TLL1: variants seen among roughly 807,000 people sequenced by gnomAD.
TLL1 encodes tolloid like 1, also known as tolloid-like protein 1.
TLL1 carries 49 observed loss-of-function variants against 128.2 expected under a neutral mutation model. The observed-to-expected ratio is 0.38, with a 90% CI of 0.30 to 0.48. The LOEUF (loss-of-function observed/expected upper bound fraction) is 0.48. TLL1 is among the 20% of genes least tolerant of loss of function. TLL1 has a pLI of 0.96. For synonymous variants in TLL1, 454 were observed against 418.8 expected (o/e 1.08, Z -1.03); for missense variants, 1,123 against 1,242.0 (o/e 0.90, Z 1.44).
chr4:165,964,972 C>A (rs1561059667), intron 1 of TLL1, among the ~76,000 whole-genome samples: 1 of 151,608 alleles, frequency 6.6e-6, no homozygotes, highest in Non-Finnish European at 1.5e-5. Context: ...TAAATAAATG[C>A]AATAAAAATA....
At chr4:165,981,701 A>C (rs1051307555) in intron 1 of TLL1, among the ~76,000 whole-genome samples, 1 of 152,056 alleles carries the variant, frequency 6.6e-6, no homozygotes, top group African/African-American at 2.4e-5. Flanking sequence ...CTGGCGGATT[A>C]CTTAACATTG....
In TLL1 at chr4:166,042,138, A is replaced by C. The variant is rs763090614; in HGVS notation, c.1373A>C (p.Tyr458Ser). The change falls in exon 11 of 21, where the codon TAT (tyrosine) becomes TCT (serine). Residue 458 changes from tyrosine to serine, a missense_variant. Tyr to Ser is a moderately radical substitution (Grantham distance 144, BLOSUM62 -2). Transcript: ENST00000061240. ...NWVGKGFAAV[Y>S]EAICGGEIRK... is the part of the protein sequence containing the mutation. Reference sequence around the variant, plus strand: ...GTAGGAAAAGGCTTTGCAGCTGTCTATGAAGGTAAGTCACATTGAATTTTA... The same window carrying C: ...GTAGGAAAAGGCTTTGCAGCTGTCTCTGAAGGTAAGTCACATTGAATTTTA... The C allele has an allele frequency of 1.9e-6, 3 of 1,604,226 alleles. No homozygotes were observed. The Admixed American group carries it at 5.0e-5, about 27-fold the overall frequency.
intron 1 of TLL1, among the ~76,000 whole-genome samples, chr4:165,949,991 G>A (rs946351942): frequency 1.3e-5 from 2 of 151,992 alleles, no homozygotes; most frequent in African/African-American, 2.4e-5. Flanking sequence ...TGATCAGATT[G>A]GATATAAAAG....
intron 19 of TLL1, among the ~76,000 whole-genome samples, chr4:166,098,724 A>G (rs1011219342): frequency 3.3e-5 from 5 of 152,132 alleles, no homozygotes; most frequent in Non-Finnish European, 7.4e-5. Flanking sequence ...AAAGTTCTAT[A>G]TAACACAAAC....
intron 1 of TLL1, among the ~76,000 whole-genome samples, chr4:165,968,211 C>G (rs1193332220): frequency 6.6e-6 from 1 of 152,092 alleles, no homozygotes; most frequent in Non-Finnish European, 1.5e-5. Context: ...ATGTCTTTTT[C>G]TTTTACAACA....
At chr4:166,063,819 C>G (rs982421917) in intron 15 of TLL1, among the ~76,000 whole-genome samples, 2 of 152,074 alleles carry the variant, frequency 1.3e-5, no homozygotes, top group African/African-American at 4.8e-5. Flanking sequence ...GGGTGGGGAA[C>G]ATCACGCCAC....
chr4:166,020,013 TTCTTGC>T (rs564256886), intron 8 of TLL1, among the ~76,000 whole-genome samples: 104 of 152,300 alleles, frequency 6.8e-4, no homozygotes, highest in Admixed American at 1.6e-3. Flanking sequence ...TCATTGCCAT[TTCTTGC>T]TCTTGGCTTT....
At chr4:166,073,953 C>G (rs1195574785) in intron 16 of TLL1, among the ~76,000 whole-genome samples, 1 of 152,050 alleles carries the variant, frequency 6.6e-6, no homozygotes, top group Non-Finnish European at 1.5e-5. Flanking sequence ...TGATGAAAGT[C>G]TGAGTGACGT....
chr4:165,952,742 T>C (rs1734585176), intron 1 of TLL1, among the ~76,000 whole-genome samples: 1 of 152,142 alleles, frequency 6.6e-6, no homozygotes, highest in Admixed American at 6.6e-5. Context: ...AAAATATTCA[T>C]TCATTATATT....
chr4:165,963,961 G>A (rs1032472131), intron 1 of TLL1, among the ~76,000 whole-genome samples: 14 of 152,146 alleles, frequency 9.2e-5, no homozygotes, highest in African/African-American at 3.4e-4. Context: ...TATGAGAGGT[G>A]TGTTTCAGTA....
chr4:166,043,489 C>G, intron 12 of TLL1, 70 bp downstream of exon 12: 5 of 1,595,706 alleles, frequency 3.1e-6, no homozygotes, highest in Non-Finnish European at 2.6e-6. Context: ...AGAGAATCCT[C>G]ATTAAATCAG....
Position 166,003,510 on chromosome 4 carries a change from A to T in TLL1, c.752A>T (p.Glu251Val). 6.2e-7 allele frequency: 1 copy of T among 1,614,078 alleles called. No individual in the cohort carries two copies. Among genetic ancestry groups the T allele is most frequent in the Non-Finnish European group, 8.5e-7 (1 of 1,179,964 alleles). ...ELGHVIGFWH[E>V]HTRPDRDNHV... The stretch of plus-strand genomic sequence containing the variant: ...GGTCATGTGATAGGCTTTTGGCATG[A>T]ACACACAAGACCAGATCGAGATAAC... Residue 251 changes from glutamate (E) to valine (V), a missense_variant, in exon 6 of 21, where the codon GAA becomes GTA. Transcript: ENST00000061240.
intron 5 of TLL1, among the ~76,000 whole-genome samples, chr4:166,000,760 A>G (rs1479040231): frequency 6.6e-6 from 1 of 152,146 alleles, no homozygotes; most frequent in African/African-American, 2.4e-5. Context: ...TAGGCATGTA[A>G]TAATATTCAA....
chr4:165,991,593 TCTAA>T (rs1394620843), intron 2 of TLL1, among the ~76,000 whole-genome samples: 4 of 152,012 alleles, frequency 2.6e-5, no homozygotes, highest in African/African-American at 9.7e-5. Flanking sequence ...GAACAAGCAC[TCTAA>T]CTTATTTGCC....
chr4:166,075,124 G>A, intron 17 of TLL1, 121 bp downstream of exon 17: 1 of 1,402,270 alleles, frequency 7.1e-7, no homozygotes, highest in East Asian at 2.4e-5. Context: ...CTATCCAAAT[G>A]TCAAAAAACA....
At chr4:166,012,622 T>C (rs1024071323) in intron 7 of TLL1, among the ~76,000 whole-genome samples, 1 of 151,732 alleles carries the variant, frequency 6.6e-6, no homozygotes, top group African/African-American at 2.4e-5. Flanking sequence ...AATTAATGTA[T>C]CTGTTGACTC....
rs117889841 is a variant in TLL1, at chr4:165,975,220, C to T, written c.170-14161C>T. On this transcript the variant is annotated intron_variant, in intron 1 of 20. Transcript: ENST00000061240. ...GAAGTCTTTCAGTGAACAGCCTTCC[C>T]AGAATCTGGGAATAAATTATTCAGT... Among the ~76,000 whole-genome samples, 328 of 152,194 alleles carry T rather than the reference C, an allele frequency of 2.2e-3. 10 individuals are homozygous for T. In the East Asian group the frequency reaches 0.054, roughly 25 times the overall value.
chr4:166,036,286 A>G lies in TLL1; in HGVS notation c.1159-3053A>G, dbSNP rs1382741309. 2.6e-5 allele frequency among the ~76,000 whole-genome samples: 4 copies of G among 152,300 alleles called. No homozygotes were observed. The Middle Eastern group carries it at 0.014, about 518-fold the overall frequency. On this transcript the variant is annotated intron_variant, in intron 9 of 20. Coordinates refer to ENST00000061240, the MANE Select transcript of TLL1 (RefSeq NM_012464.5). ...TGGAAAACAGTCTTTAATAAGCACA[A>G]TTGGCAGCAGTGACATCTATTCAAC... is the stretch of plus-strand genomic sequence containing the variant.
chr4:165,952,507 C>T (rs1734574317), intron 1 of TLL1, among the ~76,000 whole-genome samples: 1 of 152,064 alleles, frequency 6.6e-6, no homozygotes, highest in Non-Finnish European at 1.5e-5. Flanking sequence ...TATTGATTTT[C>T]AGTTTATGAA....
Sources: allele counts gnomAD v4.1 joint callset (sites outside exome capture counted in the v4.1 genomes callset), GRCh38; gene constraint gnomAD v4.1.1; transcripts MANE v1.5; gene names NCBI Gene and HGNC (gene_info 2026-07-23, HGNC 2026-07-21).